The following IBSP variants were observed in gnomAD, a reference collection of about 807,000 sequenced individuals.
IBSP encodes integrin-binding sialoprotein.
Under a neutral mutation model 25.5 loss-of-function variants are expected in IBSP, and 19 were observed. The observed-to-expected ratio is 0.74, with a 90% CI of 0.52 to 1.09. The LOEUF (loss-of-function observed/expected upper bound fraction) is 1.09. Ranked by LOEUF, IBSP falls within the 50% of genes least tolerant of loss-of-function variation. The pLI is 0.00. For synonymous variants in IBSP, 144 were observed against 137.6 expected, an observed-to-expected ratio of 1.05 and a Z score of -0.33; for missense variants, 360 against 382.3, an observed-to-expected ratio of 0.94 and a Z score of 0.49.
intron 1 of IBSP, among the ~76,000 whole-genome samples, chr4:87,800,577 A>G (rs1721999466): frequency 6.6e-6 from 1 of 152,166 alleles, no homozygotes; most frequent in African/African-American, 2.4e-5. Flanking sequence ...GCTGCTTAAA[A>G]AGATGGGCTC....
intron 4 of IBSP, among the ~76,000 whole-genome samples, chr4:87,804,968 C>T (rs1722071187): frequency 6.6e-6 from 1 of 152,206 alleles, no homozygotes; most frequent in African/African-American, 2.4e-5. Context: ...TATTCACCCT[C>T]TGGGCTAGGG....
At chr4:87,811,161 C>T (rs1722164858) in intron 6 of IBSP, among the ~76,000 whole-genome samples, 1 of 152,138 alleles carries the variant, frequency 6.6e-6, no homozygotes, top group East Asian at 1.9e-4. Context: ...TAAATAATGG[C>T]ACACTTTCCC....
intron 5 of IBSP, among the ~76,000 whole-genome samples, chr4:87,807,626 A>T (rs1032467948): frequency 1.3e-5 from 2 of 152,180 alleles, no homozygotes; most frequent in Non-Finnish European, 2.9e-5. Context: ...TCCCAACTAG[A>T]TTGCATAACT....
chr4:87,807,361 G>A (rs1316310256), intron 5 of IBSP, among the ~76,000 whole-genome samples: 1 of 151,686 alleles, frequency 6.6e-6, no homozygotes, highest in African/African-American at 2.4e-5. Flanking sequence ...AACTTGAAAG[G>A]TGACGAATCA....
At chr4:87,802,832 TTCAG>T in intron 4 of IBSP, 101 bp downstream of exon 4, 1 of 762,010 alleles carries the variant, frequency 1.3e-6, no homozygotes, top group Non-Finnish European at 2.0e-6. Context: ...CTCACTGAAA[TTCAG>T]TCAAAAAGAC....
chr4:87,811,104 A>T (rs972896171), intron 6 of IBSP, among the ~76,000 whole-genome samples: 1 of 152,162 alleles, frequency 6.6e-6, no homozygotes, highest in African/African-American at 2.4e-5. Flanking sequence ...AGAGAAAGTG[A>T]GTAGCAAAAC....
chr4:87,800,101 T>C (rs1371425835), intron 1 of IBSP, among the ~76,000 whole-genome samples: 2 of 152,198 alleles, frequency 1.3e-5, no homozygotes, highest in Non-Finnish European at 2.9e-5. Flanking sequence ...AGAAAATATA[T>C]TGTACTAACT....
intron 6 of IBSP, among the ~76,000 whole-genome samples, chr4:87,810,993 C>T (rs1722162490): frequency 6.6e-6 from 1 of 152,104 alleles, no homozygotes; most frequent in African/African-American, 2.4e-5. Context: ...TGTTATTACA[C>T]TGACTTTTAC....
chr4:87,806,506 C>G (rs1452809999), intron 5 of IBSP, among the ~76,000 whole-genome samples: 2 of 152,126 alleles, frequency 1.3e-5, no homozygotes, highest in African/African-American at 4.8e-5. Flanking sequence ...TAACAGATAG[C>G]ATTACTTCTA....
intron 1 of IBSP, among the ~76,000 whole-genome samples, chr4:87,801,330 C>A (rs73840120): frequency 5.3e-5 from 8 of 151,850 alleles, no homozygotes; most frequent in Non-Finnish European, 1.2e-4. Flanking sequence ...AGGAAATCTG[C>A]CCCCGATATC....
intron 1 of IBSP, among the ~76,000 whole-genome samples, 185 bp downstream of exon 1, chr4:87,799,818 T>C (rs761489160): frequency 1.3e-5 from 2 of 152,224 alleles, no homozygotes; most frequent in Non-Finnish European, 2.9e-5. Flanking sequence ...CTTATTAACC[T>C]AAGCATGTAA....
At chr4:87,806,423 C>G (rs1340600683) in intron 5 of IBSP, among the ~76,000 whole-genome samples, 2 of 152,134 alleles carry the variant, frequency 1.3e-5, no homozygotes, top group Non-Finnish European at 2.9e-5. Context: ...AACCAAAAAT[C>G]TCTCCCTTTT....
chr4:87,801,119 G>A (rs1030058226), intron 1 of IBSP, among the ~76,000 whole-genome samples: 10 of 152,068 alleles, frequency 6.6e-5, no homozygotes, highest in African/African-American at 2.4e-4. Context: ...GTGGAACTGA[G>A]GCTCTTTTTA....
chr4:87,803,931 T>C (rs1009405617), intron 4 of IBSP, among the ~76,000 whole-genome samples: 1 of 152,158 alleles, frequency 6.6e-6, no homozygotes, highest in African/African-American at 2.4e-5. Flanking sequence ...AAATATTAGG[T>C]ACATAGAGAT....
chr4:87,802,770 ATT>A, intron 4 of IBSP, 39 bp downstream of exon 4: 1 of 1,327,548 alleles, frequency 7.5e-7, no homozygotes, highest in Non-Finnish European at 1.0e-6. Flanking sequence ...TTTAATTTCT[ATT>A]ATAATTTAAA....
intron 4 of IBSP, 107 bp downstream of exon 4, chr4:87,802,838 C>A: frequency 1.4e-6 from 1 of 692,314 alleles, no homozygotes; most frequent in Non-Finnish European, 2.3e-6. Flanking sequence ...GAAATTCAGT[C>A]AAAAAGACTG....
chr4:87,803,894 T>C (rs1021394505), intron 4 of IBSP, among the ~76,000 whole-genome samples: 1 of 152,174 alleles, frequency 6.6e-6, no homozygotes, highest in South Asian at 2.1e-4. Flanking sequence ...TAAATTCAAG[T>C]CTCTGACTAG....
intron 4 of IBSP, 135 bp from the exon 5 acceptor site, chr4:87,805,987 A>G: frequency 1.5e-6 from 1 of 688,444 alleles, no homozygotes; most frequent in Non-Finnish European, 2.5e-6. Flanking sequence ...CAAGTCAGTC[A>G]AGATGGTAAT....
rs199982341 is a variant in IBSP at position 87,812,080 on chromosome 4, C to CT, written c.*178dup. 553 of 506,556 alleles carry CT rather than the reference C, an allele frequency of 1.1e-3. 5 individuals are homozygous for CT. In the East Asian group the frequency reaches 0.017, roughly 15 times the overall value. 31.4% of individuals were successfully genotyped at this position (506,556 alleles called of 1,614,324 possible). A position where few individuals can be genotyped will look rare whatever the true frequency, so the allele number is the denominator to read the frequency against. On this transcript the variant is annotated 3_prime_UTR_variant, in exon 7 of 7. Transcript: ENST00000226284. ...CTGCAAAGTAATAGGCTTCTTGTCC[C>CT]TTTTTTTTCTGGCATGTTATGGAAT... is the stretch of plus-strand genomic sequence containing the variant.
Sources: allele counts gnomAD v4.1 joint callset (sites outside exome capture counted in the v4.1 genomes callset), GRCh38; gene constraint gnomAD v4.1.1; transcripts MANE v1.5; gene names NCBI Gene and HGNC (gene_info 2026-07-23, HGNC 2026-07-21).